Variants in FAM222B observed in about 807,000 individuals in gnomAD.
FAM222B encodes the protein family with sequence similarity 222 member B, also known as protein FAM222B.
A neutral mutation model predicts 38.0 loss-of-function variants in FAM222B; 12 were observed. The observed-to-expected ratio is 0.32, with a 90% CI of 0.20 to 0.51. The LOEUF (loss-of-function observed/expected upper bound fraction) is 0.51. Ranked by LOEUF, FAM222B falls within the 20% of genes least tolerant of loss-of-function variation. The probability of loss-of-function intolerance (pLI) is 0.97; values close to 1 mark genes in which losing one functional copy is unlikely to be tolerated. For missense variants in FAM222B, 716 were observed against 754.2 expected, an observed-to-expected ratio of 0.95 and a Z score of 0.59; for synonymous variants, 329 against 317.2, an observed-to-expected ratio of 1.04 and a Z score of -0.40.
intron 1 of FAM222B, among the ~76,000 whole-genome samples, chr17:28,787,116 G>A (rs1196400965): frequency 6.6e-6 from 1 of 151,838 alleles, no homozygotes; most frequent in African/African-American, 2.4e-5. Context: ...TAGTAGAGAC[G>A]GGGTTTCACC....
chr17:28,840,158 C>G lies in FAM222B; in HGVS notation c.-41+2524G>C, dbSNP rs912299116. On this transcript the variant is annotated intron_variant, in intron 1 of 2. Transcript: ENST00000581407. ...TGGGAGGCCGAGGCAGGCGGATCAC[C>G]TGGTTCGAAACCAGCCTGACCAAAA... 1.2e-4 allele frequency among the ~76,000 whole-genome samples: 19 copies of G among 152,090 alleles called. 1 individual carries two copies. The highest frequency in any genetic ancestry group is 1.2e-3 in the Admixed American group (18 of 15,234).
rs1252001863 is a variant in FAM222B at position 28,757,684 on chromosome 17, G to A, written c.*586C>T. 6.6e-6 allele frequency: 1 copy of A among 152,222 alleles called. No individual in the cohort carries two copies. Among genetic ancestry groups the A allele is most frequent in the Non-Finnish European group, 1.5e-5 (1 of 68,078 alleles). The allele number at this position is 152,222 out of a possible 1,614,324, so 9.4% of individuals were successfully genotyped here. ...TTGAGATCAAGTGTGGCAAGGGCAA[G>A]TGCAGTGGCTGTGGGATCAATATAG... On this transcript the variant is annotated 3_prime_UTR_variant, in exon 3 of 3. Transcript: ENST00000581407.
At chr17:28,774,021 A>G (rs2035765975) in intron 1 of FAM222B, among the ~76,000 whole-genome samples, 1 of 152,242 alleles carries the variant, frequency 6.6e-6, no homozygotes. Context: ...TCTAGAAAGC[A>G]GAGATGTCAG....
Position 28,759,106 on chromosome 17 carries a change from T to C in FAM222B, c.853A>G (p.Thr285Ala), listed in dbSNP as rs2034904374. The C allele has an allele frequency of 6.2e-7, 1 of 1,611,520 alleles. No homozygotes were observed. Among genetic ancestry groups the C allele is most frequent in the Non-Finnish European group, 8.5e-7 (1 of 1,178,946 alleles). The part of the protein sequence containing the change: ...FCQTRAGIST[T>A]SVCEGQIANP... ...GCGATCTGGCCCTCACACACTGAGGTAGTGCTGATGCCTGCCCTCGTCTGG... is the reference window on the plus strand; with the variant it reads ...GCGATCTGGCCCTCACACACTGAGGCAGTGCTGATGCCTGCCCTCGTCTGG... The change falls in exon 3 of 3, where the codon ACC (threonine) becomes GCC (alanine). Residue 285 changes from threonine to alanine, a missense_variant. Thr to Ala is a moderately conservative substitution (Grantham distance 58). Transcript: ENST00000581407. The surrounding 1 kb of genome is among the most constrained non-coding windows in gnomAD (Gnocchi z 4.8).
intron 1 of FAM222B, among the ~76,000 whole-genome samples, chr17:28,811,540 C>T (rs1442563573): frequency 6.6e-6 from 1 of 152,060 alleles, no homozygotes; most frequent in Non-Finnish European, 1.5e-5. Flanking sequence ...GAAACTACTC[C>T]CTCCGAGGGT....
chr17:28,786,141 GTTT>G (rs796268771), intron 1 of FAM222B, among the ~76,000 whole-genome samples: 1 of 145,176 alleles, frequency 6.9e-6, no homozygotes, highest in African/African-American at 2.5e-5. Flanking sequence ...CATAGGTTTT[GTTT>G]TTTTTTTTAA....
chr17:28,807,151 G>A (rs2151915300), intron 1 of FAM222B, among the ~76,000 whole-genome samples: 1 of 151,744 alleles, frequency 6.6e-6, no homozygotes, highest in African/African-American at 2.4e-5. Context: ...AAGTAGCTGG[G>A]ATTATAGGCA....
At chr17:28,786,834 G>A (rs2036430950) in intron 1 of FAM222B, among the ~76,000 whole-genome samples, 1 of 150,390 alleles carries the variant, frequency 6.6e-6, no homozygotes, top group Admixed American at 6.6e-5. Flanking sequence ...AGAAAGGACA[G>A]TAAATTCAGG....
At chr17:28,814,257 C>T (rs180953840) in intron 1 of FAM222B, among the ~76,000 whole-genome samples, 32 of 152,094 alleles carry the variant, frequency 2.1e-4, no homozygotes, top group Admixed American at 2.0e-3. Context: ...TTTTATTCAG[C>T]GTTCTTGCAA....
At chr17:28,769,200 GA>G (rs1424565432) in intron 1 of FAM222B, among the ~76,000 whole-genome samples, 1 of 70,484 alleles carries the variant, frequency 1.4e-5, no homozygotes, top group African/African-American at 4.3e-5. Context: ...TTTTTTTTGA[GA>G]TGGAGTCTTG....
intron 2 of FAM222B, among the ~76,000 whole-genome samples, chr17:28,760,493 T>A (rs1184083244): frequency 1.3e-5 from 2 of 151,966 alleles, no homozygotes; most frequent in Non-Finnish European, 2.9e-5. Context: ...GGAGGATTAA[T>A]TGCTTGAACC....
intron 1 of FAM222B, among the ~76,000 whole-genome samples, chr17:28,814,686 C>T (rs1438389708): frequency 2.0e-5 from 3 of 151,858 alleles, no homozygotes; most frequent in Admixed American, 1.3e-4. Flanking sequence ...AGGCTAGTCT[C>T]GAACTCCTGA....
At chr17:28,766,523 C>T (rs1567798413) in intron 2 of FAM222B, 63 bp downstream of exon 2, 1 of 1,388,152 alleles carries the variant, frequency 7.2e-7, no homozygotes, top group East Asian at 2.5e-5. Context: ...GCTTCAAGGA[C>T]GGCCCAAATG....
At chr17:28,811,596 T>TA (rs1389756464) in intron 1 of FAM222B, among the ~76,000 whole-genome samples, 2 of 152,190 alleles carry the variant, frequency 1.3e-5, no homozygotes, top group Non-Finnish European at 2.9e-5. Flanking sequence ...ATAAGACTTT[T>TA]AAGTTTCAGC....
At chr17:28,845,620 G>T (rs1188838792), upstream of FAM222B, among the ~76,000 whole-genome samples, 1 of 151,772 alleles carries the variant, frequency 6.6e-6, no homozygotes, top group African/African-American at 2.4e-5. Flanking sequence ...AATAGGCCAG[G>T]CACAGTGGGT....
intron 1 of FAM222B, among the ~76,000 whole-genome samples, chr17:28,799,600 C>T (rs1361823906): frequency 5.9e-5 from 9 of 152,046 alleles, no homozygotes; most frequent in Non-Finnish European, 8.8e-5. Context: ...TGAGCCACCG[C>T]GCCCAGCCAA....
intron 1 of FAM222B, among the ~76,000 whole-genome samples, chr17:28,791,573 C>A (rs1249306200): frequency 2.0e-5 from 3 of 149,930 alleles, no homozygotes; most frequent in Admixed American, 1.3e-4. Context: ...AAACAAAAAA[C>A]AAAAAACAAA....
At chr17:28,767,384 C>T (rs1240908880) in intron 1 of FAM222B, among the ~76,000 whole-genome samples, 1 of 152,178 alleles carries the variant, frequency 6.6e-6, no homozygotes, top group African/African-American at 2.4e-5. Context: ...TCTCGAACTC[C>T]TGACCTCAGT....
chr17:28,761,418 C>T (rs7215000), intron 2 of FAM222B, among the ~76,000 whole-genome samples: 28,808 of 152,122 alleles, frequency 0.19, 2,868 homozygotes, highest in South Asian at 0.31. Context: ...CTCAGCTAGC[C>T]GACTCTCTCC....
Sources: allele counts gnomAD v4.1 joint callset (sites outside exome capture counted in the v4.1 genomes callset), GRCh38; gene constraint gnomAD v4.1.1; non-coding constraint Gnocchi (gnomAD v3.1); transcripts MANE v1.5; gene names NCBI Gene and HGNC (gene_info 2026-07-23, HGNC 2026-07-21).